The following CDKAL1 variants were observed in gnomAD, a reference collection of about 807,000 sequenced individuals.
CDKAL1 encodes CDKAL1 threonylcarbamoyladenosine tRNA methylthiotransferase.
In CDKAL1, 32 loss-of-function variants were observed where a neutral mutation model predicts 68.2. The ratio of observed to expected loss-of-function variants is 0.47; its 90% confidence interval spans 0.35 to 0.63. The LOEUF (loss-of-function observed/expected upper bound fraction) is 0.63. CDKAL1 is among the 30% of genes least tolerant of loss of function. The probability of loss-of-function intolerance (pLI) is 0.00; values close to 1 mark genes in which losing one functional copy is unlikely to be tolerated. For missense variants in CDKAL1, 606 were observed against 696.7 expected (o/e 0.87, Z 1.47); for synonymous variants, 234 against 244.3 (o/e 0.96, Z 0.39).
intron 5 of CDKAL1, among the ~76,000 whole-genome samples, chr6:20,686,531 G>T (rs971325232): frequency 1.3e-5 from 2 of 152,086 alleles, no homozygotes; most frequent in Non-Finnish European, 2.9e-5. Flanking sequence ...CTCAGGGCTC[G>T]CACTGATTTT....
intron 13 of CDKAL1, among the ~76,000 whole-genome samples, chr6:21,138,970 G>A (rs1775762011): frequency 6.6e-6 from 1 of 152,216 alleles, no homozygotes; most frequent in Non-Finnish European, 1.5e-5. Context: ...GTCATGCACA[G>A]TCAAGCCTGC....
At chr6:21,147,953 G>T (rs909043028) in intron 13 of CDKAL1, among the ~76,000 whole-genome samples, 2 of 152,094 alleles carry the variant, frequency 1.3e-5, no homozygotes, top group African/African-American at 4.8e-5. Flanking sequence ...ACTGTTTTAG[G>T]ATTAAGTAGG....
At chr6:20,594,910 T>C (rs1275253417) in intron 4 of CDKAL1, among the ~76,000 whole-genome samples, 1 of 152,214 alleles carries the variant, frequency 6.6e-6, no homozygotes, top group Admixed American at 6.5e-5. Flanking sequence ...TAAAGGATTT[T>C]ATTTCTCCTT....
At chr6:21,097,481 A>G (rs1197517021) in intron 12 of CDKAL1, among the ~76,000 whole-genome samples, 1 of 152,098 alleles carries the variant, frequency 6.6e-6, no homozygotes, top group African/African-American at 2.4e-5. Flanking sequence ...AAACAAAAAA[A>G]AGAAACAAAT....
At chr6:20,959,740 G>A (rs1248473273) in intron 10 of CDKAL1, among the ~76,000 whole-genome samples, 2 of 151,942 alleles carry the variant, frequency 1.3e-5, no homozygotes, top group African/African-American at 4.8e-5. Context: ...TTGCTTTCCT[G>A]TTGATATTGC....
chr6:20,685,149 G>A (rs180744319), intron 5 of CDKAL1, among the ~76,000 whole-genome samples: 66 of 152,240 alleles, frequency 4.3e-4, no homozygotes, highest in African/African-American at 1.5e-3. Context: ...TTACATTGAG[G>A]TCTGAGCCAT....
chr6:20,833,060 C>A (rs919434855), intron 8 of CDKAL1, among the ~76,000 whole-genome samples: 1 of 152,170 alleles, frequency 6.6e-6, no homozygotes, highest in Admixed American at 6.5e-5. Context: ...CTGAATGAAT[C>A]CCAGTTTCCA....
intron 8 of CDKAL1, among the ~76,000 whole-genome samples, chr6:20,842,995 T>G (rs1778236645): frequency 6.6e-6 from 1 of 152,206 alleles, no homozygotes; most frequent in Non-Finnish European, 1.5e-5. Context: ...TTATTTAAAC[T>G]TTTTGGTACA....
chr6:20,604,682 T>C (rs915044580), intron 4 of CDKAL1, among the ~76,000 whole-genome samples: 1 of 152,162 alleles, frequency 6.6e-6, no homozygotes, highest in Non-Finnish European at 1.5e-5. Flanking sequence ...GCTAGCCTAA[T>C]TGAAAGGTAG....
chr6:21,118,223 G>T (rs565376784), intron 13 of CDKAL1, among the ~76,000 whole-genome samples: 1 of 152,290 alleles, frequency 6.6e-6, no homozygotes, highest in African/African-American at 2.4e-5. Flanking sequence ...AAACATTAAT[G>T]CTGCTGATGC....
At chr6:20,617,043 G>A (rs720449) in intron 4 of CDKAL1, among the ~76,000 whole-genome samples, 109,899 of 142,034 alleles carry the variant, frequency 0.77, 41,643 homozygotes, top group Middle Eastern at 0.9. Flanking sequence ...TGTCTCAGAA[G>A]AAAAAAAAAA....
In CDKAL1 at chr6:20,951,965, T is replaced by G. The variant is rs1044006383; in HGVS notation, c.743-3454T>G. ...TATCTCTTTTTCATTTTCTTTTTTT[T>G]TTTTTTTTTTTGAGACGGAGTCTTG... On this transcript the variant is annotated intron_variant, in intron 9 of 15. Transcript: ENST00000274695. 1.2e-4 allele frequency among the ~76,000 whole-genome samples: 17 copies of G among 146,180 alleles called. No individual in the cohort carries two copies. In the East Asian group the frequency reaches 3.4e-3, roughly 29 times the overall value.
chr6:20,571,371 A>G (rs1764694926), intron 4 of CDKAL1, among the ~76,000 whole-genome samples: 1 of 152,168 alleles, frequency 6.6e-6, no homozygotes, highest in South Asian at 2.1e-4. Context: ...CAGTTGAACA[A>G]GACAGATGCA....
At chr6:21,045,353 A>C (rs2150902509) in intron 11 of CDKAL1, among the ~76,000 whole-genome samples, 1 of 152,322 alleles carries the variant, frequency 6.6e-6, no homozygotes. Flanking sequence ...TGATGTAATC[A>C]GTGCTACTTT....
chr6:21,074,003 A>G (rs1174547610), intron 12 of CDKAL1, among the ~76,000 whole-genome samples: 1 of 152,160 alleles, frequency 6.6e-6, no homozygotes, highest in Non-Finnish European at 1.5e-5. Flanking sequence ...AAGAGCCAAT[A>G]TTCTGGGATT....
At chr6:20,650,777 G>A (rs1768726583) in intron 5 of CDKAL1, among the ~76,000 whole-genome samples, 1 of 152,164 alleles carries the variant, frequency 6.6e-6, no homozygotes. Flanking sequence ...CACAAGGCTA[G>A]CCAGTTTTCC....
At chr6:20,957,403 C>T (rs528254753) in intron 10 of CDKAL1, among the ~76,000 whole-genome samples, 1 of 152,268 alleles carries the variant, frequency 6.6e-6, no homozygotes, top group South Asian at 2.1e-4. Context: ...GAAGTAGTGC[C>T]AGACTTGGGG....
intron 4 of CDKAL1, among the ~76,000 whole-genome samples, chr6:20,568,660 G>A (rs1188227655): frequency 2.7e-5 from 4 of 150,736 alleles, no homozygotes; most frequent in African/African-American, 9.8e-5. Flanking sequence ...GCGTGAACCT[G>A]GGAGGCGGAG....
intron 12 of CDKAL1, among the ~76,000 whole-genome samples, chr6:21,091,478 A>C (rs1326176780): frequency 6.6e-6 from 1 of 152,218 alleles, no homozygotes; most frequent in Non-Finnish European, 1.5e-5. Flanking sequence ...GGATTGTTTA[A>C]AACTACTTAA....
Sources: allele counts gnomAD v4.1 joint callset (sites outside exome capture counted in the v4.1 genomes callset), GRCh38; gene constraint gnomAD v4.1.1; transcripts MANE v1.5; gene names NCBI Gene and HGNC (gene_info 2026-07-23, HGNC 2026-07-21).